The following RAB3C variants were observed in gnomAD, a reference collection of about 807,000 sequenced individuals.
RAB3C encodes RAB3C, member RAS oncogene family.
In RAB3C, 17 loss-of-function variants were observed where a neutral mutation model predicts 26.4. The ratio of observed to expected loss-of-function variants is 0.64; its 90% CI spans 0.44 to 0.97. The LOEUF (loss-of-function observed/expected upper bound fraction) is 0.97. RAB3C is among the 50% of genes least tolerant of loss of function. The pLI is 0.00. For missense variants in RAB3C, 242 were observed against 281.9 expected, an observed-to-expected ratio of 0.86 and a Z score of 1.01; for synonymous variants, 91 against 95.9, an observed-to-expected ratio of 0.95 and a Z score of 0.30.
chr5:58,723,172 G>A (rs1740812237), intron 2 of RAB3C, among the ~76,000 whole-genome samples: 1 of 151,368 alleles, frequency 6.6e-6, no homozygotes, highest in Admixed American at 6.6e-5. Context: ...TATATTCAAG[G>A]GATTGACAGA....
At chr5:58,718,598 A>G (rs187027133) in intron 2 of RAB3C, among the ~76,000 whole-genome samples, 28 of 152,052 alleles carry the variant, frequency 1.8e-4, no homozygotes, top group African/African-American at 6.3e-4. Context: ...GGTTTTTGGT[A>G]TTTCAAAACT....
chr5:58,675,624 T>TTTTTTTTTTTTTTTTGGC (rs1347740171), intron 2 of RAB3C, among the ~76,000 whole-genome samples: 3 of 150,636 alleles, frequency 2.0e-5, no homozygotes, highest in African/African-American at 7.4e-5. Flanking sequence ...TCTTTTTTTT[T>TTTTTTTTTTTTTTTTGGC]TTTTTTTTTT....
chr5:58,666,650 A>T (rs554853999), intron 2 of RAB3C, among the ~76,000 whole-genome samples: 3 of 152,206 alleles, frequency 2.0e-5, no homozygotes, highest in East Asian at 3.9e-4. Flanking sequence ...GTTAGTAGAG[A>T]TAGGGGCTGC....
intron 2 of RAB3C, among the ~76,000 whole-genome samples, chr5:58,693,185 TAA>T (rs1391013086): frequency 6.8e-6 from 1 of 146,694 alleles, no homozygotes. Context: ...ATAATTAAGA[TAA>T]GTTTATAATT....
chr5:58,819,256 C>A (rs1743285364), intron 3 of RAB3C, among the ~76,000 whole-genome samples: 1 of 152,156 alleles, frequency 6.6e-6, no homozygotes, highest in Non-Finnish European at 1.5e-5. Flanking sequence ...CTGAACTAAA[C>A]AATTCAGAGT....
rs375190435 is a variant in RAB3C, at chr5:58,803,627, T to C, written c.372-21411T>C. ...GTTAGTGTCATATCTGCTGCACAGC[T>C]TGAGGTGGGTGATTGATTGTGCAGT... On this transcript the variant is annotated intron_variant, in intron 3 of 4. Transcript: ENST00000282878. Among the ~76,000 whole-genome samples, 4 of 152,254 alleles carry C rather than the reference T, an allele frequency of 2.6e-5. No homozygotes were observed. The East Asian group carries it at 5.8e-4, about 22-fold the overall frequency.
intron 3 of RAB3C, among the ~76,000 whole-genome samples, chr5:58,759,597 T>C (rs1433167962): frequency 2.0e-5 from 3 of 152,240 alleles, no homozygotes; most frequent in Non-Finnish European, 4.4e-5. Flanking sequence ...TTCTGTCCTA[T>C]CAAGTTTGCA....
At chr5:58,631,393 T>C (rs1264981522) in intron 2 of RAB3C, among the ~76,000 whole-genome samples, 1 of 152,236 alleles carries the variant, frequency 6.6e-6, no homozygotes, top group African/African-American at 2.4e-5. Flanking sequence ...AATCCCAGTC[T>C]TTCAAAGTTT....
rs145514975 is a variant in RAB3C at position 58,843,745 on chromosome 5, C to T, written c.497-7419C>T. Among the ~76,000 whole-genome samples, 277 of 152,178 alleles carry T rather than the reference C, an allele frequency of 1.8e-3. 6 individuals are homozygous for T. Among genetic ancestry groups the T allele is most frequent in the African/African-American group, 6.1e-3 (254 of 41,504 alleles). The stretch of plus-strand genomic sequence containing the variant: ...AATTTCCCACAGGGCAAAACCAAAA[C>T]GATATTTTGTGAAATTCCATGCTTG... On this transcript the variant is annotated intron_variant, in intron 4 of 4. Coordinates refer to ENST00000282878, the MANE Select transcript of RAB3C (RefSeq NM_138453.4).
chr5:58,747,318 A>G (rs1741422053), intron 3 of RAB3C, among the ~76,000 whole-genome samples: 1 of 152,204 alleles, frequency 6.6e-6, no homozygotes, highest in Admixed American at 6.5e-5. Context: ...TTCCCATGCT[A>G]TATGTGGGAC....
At chr5:58,672,367 C>T (rs1748137366) in intron 2 of RAB3C, among the ~76,000 whole-genome samples, 1 of 152,186 alleles carries the variant, frequency 6.6e-6, no homozygotes, top group Admixed American at 6.5e-5. Flanking sequence ...ACCTCTAATG[C>T]AGTGGAATAC....
At chr5:58,607,652 G>T (rs896907928) in intron 1 of RAB3C, among the ~76,000 whole-genome samples, 6 of 152,164 alleles carry the variant, frequency 3.9e-5, no homozygotes, top group East Asian at 1.9e-4. Flanking sequence ...AGTGTTAAGG[G>T]CAGCCAGAGA....
At chr5:58,741,390 G>A (rs1203407891) in intron 3 of RAB3C, among the ~76,000 whole-genome samples, 3 of 152,134 alleles carry the variant, frequency 2.0e-5, no homozygotes, top group Non-Finnish European at 4.4e-5. Context: ...CTGGCTCAAA[G>A]TCCCAACCAT....
At position 58,805,020 on chromosome 5, in the gene RAB3C, T is replaced by C. The variant is rs77063649; in HGVS notation, c.372-20018T>C. Among the ~76,000 whole-genome samples, 1,266 of 151,954 alleles carry C rather than the reference T, an allele frequency of 8.3e-3. 16 individuals are homozygous for C. Among genetic ancestry groups the C allele is most frequent in the Middle Eastern group, 0.014 (4 of 294 alleles). The stretch of plus-strand genomic sequence containing the variant: ...GAGGCAAAGGTATTTTTAAATTTAT[T>C]TAAGCTTTAATTTATTCAGATATGT... On this transcript the variant is annotated intron_variant, in intron 3 of 4. Coordinates refer to ENST00000282878, the MANE Select transcript of RAB3C (RefSeq NM_138453.4).
At chr5:58,616,939 A>G (rs1746836432) in intron 1 of RAB3C, among the ~76,000 whole-genome samples, 1 of 152,166 alleles carries the variant, frequency 6.6e-6, no homozygotes, top group African/African-American at 2.4e-5. Context: ...TCCTGCCTCT[A>G]CTATTAACAC....
At chr5:58,751,638 T>C (rs988783411) in intron 3 of RAB3C, among the ~76,000 whole-genome samples, 9 of 152,242 alleles carry the variant, frequency 5.9e-5, no homozygotes, top group Non-Finnish European at 8.8e-5. Flanking sequence ...TAAAGTCCAT[T>C]TTTTGAAAGT....
chr5:58,761,359 TA>T (rs1428723110), intron 3 of RAB3C, among the ~76,000 whole-genome samples: 1 of 152,158 alleles, frequency 6.6e-6, no homozygotes, highest in African/African-American at 2.4e-5. Context: ...TCTTTACAAA[TA>T]AAAATTATAC....
chr5:58,664,484 G>A (rs534296674), intron 2 of RAB3C, among the ~76,000 whole-genome samples: 97 of 152,106 alleles, frequency 6.4e-4, no homozygotes, highest in Non-Finnish European at 1.2e-3. Flanking sequence ...GAGGAGCAGG[G>A]AGGCAGTGGA....
intron 3 of RAB3C, among the ~76,000 whole-genome samples, chr5:58,783,927 G>A (rs1325000458): frequency 6.6e-6 from 1 of 152,126 alleles, no homozygotes; most frequent in African/African-American, 2.4e-5. Flanking sequence ...ATAAAAGTCC[G>A]TTGGGAGACC....
Sources: allele counts gnomAD v4.1 joint callset (sites outside exome capture counted in the v4.1 genomes callset), GRCh38; gene constraint gnomAD v4.1.1; transcripts MANE v1.5; gene names NCBI Gene and HGNC (gene_info 2026-07-23, HGNC 2026-07-21).